The following CDK14 variants were observed in gnomAD, a reference collection of about 807,000 sequenced individuals.
The protein encoded by CDK14 is cyclin-dependent kinase 14.
CDK14 carries 34 observed loss-of-function variants against 60.7 expected under a neutral mutation model. The observed-to-expected ratio is 0.56, with a 90% confidence interval of 0.43 to 0.75. CDK14 has a LOEUF of 0.75. Ranked by LOEUF, CDK14 falls within the 30% of genes least tolerant of loss-of-function variation. CDK14 has a pLI of 0.00. For synonymous variants in CDK14, 197 were observed against 203.7 expected (o/e 0.97, Z 0.28); for missense variants, 482 against 564.1 (o/e 0.85, Z 1.47).
rs56702065 is a variant in CDK14 at position 90,637,500 on chromosome 7, T to C, written c.123+33251T>C. On this transcript the variant is annotated intron_variant, in intron 2 of 14. Transcript: ENST00000380050. ...TTTGATTGCACTGTGGTCTGAGAGA[T>C]AGTTTGTTATAATTTCTGTTCTTTT... is the stretch of plus-strand genomic sequence containing the variant. Among the ~76,000 whole-genome samples, 758 of 151,312 alleles carry C rather than the reference T, an allele frequency of 5.0e-3. 6 individuals carry two copies. The highest frequency in any genetic ancestry group is 0.016 in the African/African-American group (643 of 41,288).
chr7:90,657,717 A>G (rs1584774198), intron 2 of CDK14, among the ~76,000 whole-genome samples: 1 of 152,220 alleles, frequency 6.6e-6, no homozygotes, highest in African/African-American at 2.4e-5. Context: ...TTGGTTGCCA[A>G]AGGCTTAAAC....
At chr7:90,645,169 A>G (rs925076086) in intron 2 of CDK14, among the ~76,000 whole-genome samples, 1 of 152,152 alleles carries the variant, frequency 6.6e-6, no homozygotes, top group African/African-American at 2.4e-5. Flanking sequence ...TTATATATGT[A>G]TATATATTTT....
intron 9 of CDK14, among the ~76,000 whole-genome samples, chr7:90,976,382 G>A (rs1475759913): frequency 3.3e-5 from 5 of 151,914 alleles, no homozygotes; most frequent in African/African-American, 1.2e-4. Flanking sequence ...AAGAGACAGG[G>A]TCCTTCTCTG....
At chr7:91,197,741 T>G (rs1055708780) in intron 14 of CDK14, among the ~76,000 whole-genome samples, 1 of 152,242 alleles carries the variant, frequency 6.6e-6, no homozygotes, top group African/African-American at 2.4e-5. Flanking sequence ...GGTATTTATT[T>G]CTCATAATGG....
At chr7:90,676,527 ATTTTTTTTTTTTT>A (rs60056655) in intron 2 of CDK14, among the ~76,000 whole-genome samples, 22 of 142,122 alleles carry the variant, frequency 1.5e-4, no homozygotes, top group African/African-American at 4.5e-4. Context: ...TAGATGTTTC[ATTTTTTTTTTTTT>A]TTTTTTTTTT....
At chr7:90,924,805 A>G (rs2117447099) in intron 8 of CDK14, among the ~76,000 whole-genome samples, 1 of 152,172 alleles carries the variant, frequency 6.6e-6, no homozygotes, top group African/African-American at 2.4e-5. Flanking sequence ...TTCTTTTTTA[A>G]AAAACCTGCC....
intron 7 of CDK14, among the ~76,000 whole-genome samples, chr7:90,905,304 G>A (rs1423059179): frequency 3.3e-5 from 5 of 152,082 alleles, no homozygotes; most frequent in Non-Finnish European, 4.4e-5. Flanking sequence ...CTTAAAAGAT[G>A]GGAAAAGAAT....
chr7:91,001,047 T>A (rs1308084348), intron 10 of CDK14, among the ~76,000 whole-genome samples: 1 of 152,218 alleles, frequency 6.6e-6, no homozygotes, highest in Non-Finnish European at 1.5e-5. Context: ...TACTGTTTTT[T>A]TTGTCTTAAA....
At chr7:90,822,600 G>A (rs1193512872) in intron 5 of CDK14, among the ~76,000 whole-genome samples, 2 of 152,122 alleles carry the variant, frequency 1.3e-5, no homozygotes, top group East Asian at 3.9e-4. Context: ...CTGCAGAGCA[G>A]CCTTTGCCCT....
chr7:90,714,342 GGTGACAGACAAAC>G (rs1802168036), intron 2 of CDK14, among the ~76,000 whole-genome samples: 1 of 151,972 alleles, frequency 6.6e-6, no homozygotes, highest in African/African-American at 2.4e-5. Context: ...TTTGTTTTCC[GGTGACAGACAAAC>G]AGCAGGATGT....
At chr7:90,869,577 C>CT (rs1250451710) in intron 6 of CDK14, among the ~76,000 whole-genome samples, 2 of 152,146 alleles carry the variant, frequency 1.3e-5, no homozygotes, top group Non-Finnish European at 2.9e-5. Flanking sequence ...TTTATTGGAT[C>CT]TCTGGCTGCT....
At chr7:91,044,609 G>A (rs977207999) in intron 10 of CDK14, among the ~76,000 whole-genome samples, 1 of 152,124 alleles carries the variant, frequency 6.6e-6, no homozygotes, top group Non-Finnish European at 1.5e-5. Flanking sequence ...AGGTTAACTT[G>A]AGAATGCCTT....
intron 5 of CDK14, among the ~76,000 whole-genome samples, chr7:90,843,241 C>T (rs570495782): frequency 6.6e-6 from 1 of 152,268 alleles, no homozygotes; most frequent in South Asian, 2.1e-4. Flanking sequence ...TCATTAGTCT[C>T]AGTCCCTTTT....
At chr7:90,859,493 A>T (rs1473465757) in intron 5 of CDK14, among the ~76,000 whole-genome samples, 27 of 152,350 alleles carry the variant, frequency 1.8e-4, no homozygotes. Context: ...ATTTTATTTT[A>T]GTGAAATATT....
intron 14 of CDK14, among the ~76,000 whole-genome samples, chr7:91,166,476 T>C (rs1321516790): frequency 6.6e-6 from 1 of 152,242 alleles, no homozygotes; most frequent in Admixed American, 6.5e-5. Context: ...TTATAGCTAC[T>C]CTACTGATAC....
At chr7:90,954,957 C>T (rs186048356) in intron 8 of CDK14, among the ~76,000 whole-genome samples, 1 of 151,084 alleles carries the variant, frequency 6.6e-6, no homozygotes, top group East Asian at 1.9e-4. Flanking sequence ...AAAAAACAGA[C>T]CTACAAATAT....
At chr7:91,085,244 C>T (rs1039346325) in intron 12 of CDK14, among the ~76,000 whole-genome samples, 2 of 152,064 alleles carry the variant, frequency 1.3e-5, no homozygotes, top group African/African-American at 4.8e-5. Flanking sequence ...TAGAGGCTTT[C>T]GGGGAGAATT....
chr7:90,620,141 T>C (rs1270541114), intron 2 of CDK14, among the ~76,000 whole-genome samples: 1 of 152,206 alleles, frequency 6.6e-6, no homozygotes, highest in African/African-American at 2.4e-5. Flanking sequence ...TATTTTTGTC[T>C]AGTTGGCAAC....
intron 5 of CDK14, among the ~76,000 whole-genome samples, chr7:90,850,405 A>G (rs903590044): frequency 6.6e-6 from 1 of 152,300 alleles, no homozygotes; most frequent in Non-Finnish European, 1.5e-5. Flanking sequence ...AGTGTAAATA[A>G]TGAGTGAGTG....
Sources: gnomAD v4.1 joint callset for allele counts (sites outside exome capture counted in the v4.1 genomes callset) on GRCh38, gnomAD v4.1.1 for gene constraint, MANE v1.5 for transcripts, NCBI Gene and HGNC (gene_info 2026-07-23, HGNC 2026-07-21) for gene names.